The following NALF1 variants were observed in gnomAD, a reference collection of about 807,000 sequenced individuals.
The protein encoded by NALF1 is family with sequence similarity 155 member A.
Under a neutral mutation model 48.4 loss-of-function variants are expected in NALF1, and 3 were observed. The ratio of observed to expected loss-of-function variants is 0.06; its 90% CI spans 0.03 to 0.16. The LOEUF (loss-of-function observed/expected upper bound fraction) is 0.16, where lower values mean the gene tolerates loss of function less well. Among genes scored for constraint, NALF1 ranks in the 10% least tolerant of loss-of-function variants. The pLI, the probability that NALF1 is intolerant of heterozygous loss-of-function variation, is 1.00. For synonymous variants in NALF1, 262 were observed against 245.7 expected, an observed-to-expected ratio of 1.07 and a Z score of -0.62; for missense variants, 526 against 571.5, an observed-to-expected ratio of 0.92 and a Z score of 0.81.
chr13:107,581,140 C>T (rs554265986), intron 1 of NALF1, among the ~76,000 whole-genome samples: 83 of 152,234 alleles, frequency 5.5e-4, no homozygotes, highest in South Asian at 1.7e-3. Context: ...GTTTGTTCCT[C>T]GGACGCATTT....
chr13:107,794,714 C>A (rs1465944692), intron 1 of NALF1, among the ~76,000 whole-genome samples: 4 of 150,446 alleles, frequency 2.7e-5, no homozygotes, highest in Non-Finnish European at 5.9e-5. Context: ...AACTCTATTA[C>A]AGGATCATTG....
chr13:107,488,091 T>C (rs965689238), intron 1 of NALF1, among the ~76,000 whole-genome samples: 23 of 152,060 alleles, frequency 1.5e-4, no homozygotes, highest in Non-Finnish European at 1.3e-4. Context: ...TGGTTGTTTG[T>C]ATTTCTGTGG....
chr13:107,414,241 T>C (rs998618189), intron 1 of NALF1, among the ~76,000 whole-genome samples: 3 of 151,970 alleles, frequency 2.0e-5, no homozygotes, highest in Non-Finnish European at 4.4e-5. Context: ...CCAATTTTAA[T>C]AGTTAAATAT....
chr13:107,687,049 T>G (rs893244362), intron 1 of NALF1, among the ~76,000 whole-genome samples: 4 of 152,276 alleles, frequency 2.6e-5, no homozygotes, highest in Admixed American at 6.5e-5. Context: ...CGGAATCAAC[T>G]TAAGCGTCCA....
At chr13:107,662,165 T>C (rs988930944) in intron 1 of NALF1, among the ~76,000 whole-genome samples, 1 of 152,200 alleles carries the variant, frequency 6.6e-6, no homozygotes, top group African/African-American at 2.4e-5. Flanking sequence ...CCTCTCCCAC[T>C]TTGGCAACCA....
At chr13:107,846,589 G>A (rs1422538544) in intron 1 of NALF1, among the ~76,000 whole-genome samples, 1 of 152,156 alleles carries the variant, frequency 6.6e-6, no homozygotes, top group Non-Finnish European at 1.5e-5. Context: ...TAGAATCTAT[G>A]CTTTAATGAG....
chr13:107,412,886 C>T (rs7321644), intron 1 of NALF1, among the ~76,000 whole-genome samples: 63,490 of 151,948 alleles, frequency 0.42, 13,402 homozygotes, highest in Middle Eastern at 0.54. Context: ...ACAATCTTCC[C>T]TTTTAATAGC....
At chr13:107,488,125 T>C (rs572136729) in intron 1 of NALF1, among the ~76,000 whole-genome samples, 1 of 152,130 alleles carries the variant, frequency 6.6e-6, no homozygotes, top group South Asian at 2.1e-4. Context: ...ATCCCCCTTA[T>C]CATTTCTGAT....
At chr13:107,780,221 T>C (rs1054631710) in intron 1 of NALF1, among the ~76,000 whole-genome samples, 1 of 152,116 alleles carries the variant, frequency 6.6e-6, no homozygotes, top group African/African-American at 2.4e-5. Context: ...ATATGTGTGA[T>C]CCTTTCACTA....
In NALF1 at chr13:107,375,883, C is replaced by T. The variant is rs557257706; in HGVS notation, c.916-165128G>A. On this transcript the variant is annotated intron_variant, in intron 1 of 2. Transcript: ENST00000375915. ...AGCCAGCCTCCAAAGTGACCTGATG[C>T]CCCCTCCCGATAGTCATGTTCTTAT... Among the ~76,000 whole-genome samples, 30 of 151,968 alleles carry T rather than the reference C, an allele frequency of 2.0e-4. No homozygotes were observed. In the South Asian group the frequency reaches 5.8e-3, roughly 29 times the overall value.
At chr13:107,184,475 C>G (rs1382506790) in intron 2 of NALF1, among the ~76,000 whole-genome samples, 1 of 152,130 alleles carries the variant, frequency 6.6e-6, no homozygotes, top group African/African-American at 2.4e-5. Flanking sequence ...TCTCTGTTTT[C>G]CGGAGAGCTC....
chr13:107,511,491 A>T (rs1875890751), intron 1 of NALF1, among the ~76,000 whole-genome samples: 1 of 152,188 alleles, frequency 6.6e-6, no homozygotes, highest in South Asian at 2.1e-4. Flanking sequence ...TACTTCATAA[A>T]TTCCCAAATA....
intron 1 of NALF1, among the ~76,000 whole-genome samples, chr13:107,312,511 T>C (rs1882066938): frequency 6.6e-6 from 1 of 152,084 alleles, no homozygotes; most frequent in Admixed American, 6.6e-5. Flanking sequence ...ACATGGCACA[T>C]GTATACATAT....
chr13:107,505,908 A>G (rs1875683460), intron 1 of NALF1, among the ~76,000 whole-genome samples: 1 of 152,174 alleles, frequency 6.6e-6, no homozygotes, highest in African/African-American at 2.4e-5. Context: ...GAGAGAGAAC[A>G]TCATCGGCAG....
intron 1 of NALF1, among the ~76,000 whole-genome samples, chr13:107,787,200 C>T (rs1878101065): frequency 1.3e-5 from 2 of 152,090 alleles, no homozygotes; most frequent in African/African-American, 4.8e-5. Context: ...TTAACCAGTT[C>T]TTTGTACACC....
chr13:107,180,709 T>G (rs764933456), intron 2 of NALF1, among the ~76,000 whole-genome samples: 10 of 151,832 alleles, frequency 6.6e-5, no homozygotes, highest in Non-Finnish European at 1.2e-4. Flanking sequence ...GTAGCTACTT[T>G]GCTGTTCTTT....
intron 1 of NALF1, among the ~76,000 whole-genome samples, chr13:107,806,340 C>T (rs77136345): frequency 0.02 from 3,107 of 151,982 alleles, 84 homozygotes; most frequent in African/African-American, 0.07. Context: ...CATTAAAAGA[C>T]GGAAATGTTA....
intron 1 of NALF1, among the ~76,000 whole-genome samples, chr13:107,368,871 C>A (rs1883199293): frequency 6.6e-6 from 1 of 152,182 alleles, no homozygotes; most frequent in African/African-American, 2.4e-5. Context: ...ATATGGATCT[C>A]CGTGTACATT....
In NALF1 at chr13:107,314,474, CAGAA is replaced by C. The variant is rs567823232; in HGVS notation, c.916-103723_916-103720del. 2.4e-3 allele frequency among the ~76,000 whole-genome samples: 362 copies of C among 152,198 alleles called. 1 individual carries two copies. The highest frequency in any genetic ancestry group is 4.0e-3 in the Non-Finnish European group (270 of 68,008). On this transcript the variant is annotated intron_variant, in intron 1 of 2. Transcript: ENST00000375915. ...CTAGTTCCACCTCATCTTGATTCTT[CAGAA>C]AGATTTATTTTCCTTTAGATCCTAC...
Sources: gnomAD v4.1 joint callset for allele counts (sites outside exome capture counted in the v4.1 genomes callset) on GRCh38, gnomAD v4.1.1 for gene constraint, MANE v1.5 for transcripts, NCBI Gene and HGNC (gene_info 2026-07-23, HGNC 2026-07-21) for gene names.